MITF: variants seen among roughly 807,000 people sequenced by gnomAD.
The protein encoded by MITF is melanocyte inducing transcription factor, also known as microphthalmia-associated transcription factor.
Under a neutral mutation model 60.5 loss-of-function variants are expected in MITF, and 17 were observed. The observed-to-expected ratio is 0.28, with a 90% CI of 0.19 to 0.42. The LOEUF (loss-of-function observed/expected upper bound fraction) is 0.42. Among genes scored for constraint, MITF ranks in the 10% least tolerant of loss-of-function variants. MITF has a pLI of 1.00. For missense variants in MITF, 622 were observed against 683.5 expected (o/e 0.91, Z 1.00); for synonymous variants, 260 against 248.5 (o/e 1.05, Z -0.43).
chr3:69,802,099 G>A (rs571166149), intron 1 of MITF, among the ~76,000 whole-genome samples: 5 of 152,158 alleles, frequency 3.3e-5, no homozygotes, highest in African/African-American at 1.2e-4. Flanking sequence ...GTAACCAAGA[G>A]ATTTGCCTAG....
intron 1 of MITF, among the ~76,000 whole-genome samples, chr3:69,844,013 G>A (rs1265136773): frequency 1.3e-5 from 2 of 152,106 alleles, no homozygotes; most frequent in Non-Finnish European, 2.9e-5. Flanking sequence ...CCTTTCCTGT[G>A]TTAGTTTGCT....
intron 2 of MITF, among the ~76,000 whole-genome samples, chr3:69,936,436 A>G (rs1216597085): frequency 6.6e-6 from 1 of 152,208 alleles, no homozygotes; most frequent in Non-Finnish European, 1.5e-5. Context: ...TATGAAAAAA[A>G]GCATGACGTC....
chr3:69,831,906 G>A (rs2063453885), intron 1 of MITF, among the ~76,000 whole-genome samples: 1 of 152,146 alleles, frequency 6.6e-6, no homozygotes, highest in African/African-American at 2.4e-5. Flanking sequence ...CGGTGCCCGA[G>A]GGAGTGGGAG....
chr3:69,800,481 A>G (rs577420931), intron 1 of MITF, among the ~76,000 whole-genome samples: 1 of 152,284 alleles, frequency 6.6e-6, no homozygotes, highest in East Asian at 1.9e-4. Context: ...TCACATGATT[A>G]AACATACCAT....
chr3:69,790,497 T>G (rs1372495114), intron 1 of MITF, among the ~76,000 whole-genome samples: 2 of 152,152 alleles, frequency 1.3e-5, no homozygotes, highest in African/African-American at 4.8e-5. Flanking sequence ...TTTGTTTATT[T>G]GTTTTTTACC....
intron 2 of MITF, among the ~76,000 whole-genome samples, chr3:69,895,041 C>T (rs1489057004): frequency 6.6e-6 from 1 of 150,840 alleles, no homozygotes; most frequent in Non-Finnish European, 1.5e-5. Context: ...CCATCTGAGT[C>T]GTCTCAGACT....
At chr3:69,756,213 C>T (rs574498697) in intron 1 of MITF, among the ~76,000 whole-genome samples, 20 of 152,132 alleles carry the variant, frequency 1.3e-4, no homozygotes, top group African/African-American at 4.8e-4. Context: ...TTTGCTGCAC[C>T]TATCAACCCA....
rs1202708073 is a variant in MITF, at chr3:69,763,920, A to G, written c.104+24219A>G. 5.1e-6 allele frequency: 7 copies of G among 1,370,682 alleles called. No individual in the cohort carries two copies. In the African/African-American group the frequency reaches 8.7e-5, roughly 17 times the overall value. 84.9% of individuals were successfully genotyped at this position (1,370,682 alleles called of 1,614,324 possible). A position where few individuals can be genotyped will look rare whatever the true frequency, so the allele number is the denominator to read the frequency against. On this transcript the variant is annotated intron_variant, in intron 1 of 9. Transcript: ENST00000352241. ...CTGTGAAAAGGAAACCAGGAAATTG[A>G]CTCTGTGCCTGTTTTCAAGAAGGTA...
intron 1 of MITF, among the ~76,000 whole-genome samples, chr3:69,834,561 A>T (rs1452078850): frequency 6.6e-6 from 1 of 151,952 alleles, no homozygotes; most frequent in Non-Finnish European, 1.5e-5. Context: ...CATTTTCTTT[A>T]TCCATTCATC....
At chr3:69,785,603 T>A (rs1236822435) in intron 1 of MITF, among the ~76,000 whole-genome samples, 1 of 152,144 alleles carries the variant, frequency 6.6e-6, no homozygotes, top group Non-Finnish European at 1.5e-5. Flanking sequence ...TCAGAACTGG[T>A]TTTTGCTTTT....
intron 1 of MITF, among the ~76,000 whole-genome samples, chr3:69,860,750 A>G (rs2107210664): frequency 6.6e-6 from 1 of 152,276 alleles, no homozygotes; most frequent in African/African-American, 2.4e-5. Context: ...TATCTTAACC[A>G]TTCTTTAATA....
chr3:69,841,307 G>A (rs542243576), intron 1 of MITF, among the ~76,000 whole-genome samples: 1 of 152,326 alleles, frequency 6.6e-6, no homozygotes, highest in East Asian at 1.9e-4. Flanking sequence ...ACACTTTAAT[G>A]TGTATGTTTA....
rs1315565701 is a variant in MITF at position 69,910,262 on chromosome 3, C to T, written c.355-27560C>T. Reference sequence around the variant, plus strand: ...GAAGTCAGGAATTGAGGTTTGGGAACCTTTGTCCAGATTTCAGAAGATGTA... The same window carrying T: ...GAAGTCAGGAATTGAGGTTTGGGAATCTTTGTCCAGATTTCAGAAGATGTA... On this transcript the variant is annotated intron_variant, in intron 2 of 9. Transcript: ENST00000352241. Among the ~76,000 whole-genome samples, 15 of 152,202 alleles carry T rather than the reference C, an allele frequency of 9.9e-5. No individual in the cohort carries two copies. The East Asian group carries it at 2.7e-3, about 27-fold the overall frequency.
At chr3:69,793,415 T>G (rs2062774240) in intron 1 of MITF, among the ~76,000 whole-genome samples, 1 of 131,808 alleles carries the variant, frequency 7.6e-6, no homozygotes, top group Non-Finnish European at 1.7e-5. Context: ...TTAGTCATTT[T>G]AGGTCATATA....
intron 1 of MITF, among the ~76,000 whole-genome samples, chr3:69,747,324 C>T (rs530005845): frequency 4.6e-5 from 7 of 152,264 alleles, no homozygotes; most frequent in South Asian, 2.1e-4. Context: ...GCTTTTTATT[C>T]GGTTGTATGA....
chr3:69,812,168 G>C (rs1038326383), intron 1 of MITF, among the ~76,000 whole-genome samples: 1 of 152,116 alleles, frequency 6.6e-6, no homozygotes, highest in Non-Finnish European at 1.5e-5. Flanking sequence ...TGATGTTGTG[G>C]AAAGAATGAA....
chr3:69,938,434 T>G (rs2107481640), intron 3 of MITF: 1 of 1,513,356 alleles, frequency 6.6e-7, no homozygotes, highest in African/African-American at 1.4e-5. Context: ...TGGGACATGC[T>G]GTTTAGAAGT....
intron 1 of MITF, among the ~76,000 whole-genome samples, chr3:69,850,868 C>T (rs1287612445): frequency 6.6e-6 from 1 of 152,076 alleles, no homozygotes; most frequent in Non-Finnish European, 1.5e-5. Flanking sequence ...CTGTAGTTAC[C>T]CCCTCTGCAT....
intron 1 of MITF, chr3:69,763,999 T>C: frequency 8.1e-7 from 1 of 1,237,546 alleles, no homozygotes; most frequent in Non-Finnish European, 1.1e-6. Context: ...TAGCATGTTT[T>C]TTAAGGGATG....
Sources: allele counts gnomAD v4.1 joint callset (sites outside exome capture counted in the v4.1 genomes callset), GRCh38; gene constraint gnomAD v4.1.1; transcripts MANE v1.5; gene names NCBI Gene and HGNC (gene_info 2026-07-23, HGNC 2026-07-21).